The following NOS1AP variants were observed in gnomAD, a reference collection of about 807,000 sequenced individuals.
The protein encoded by NOS1AP is carboxyl-terminal PDZ ligand of neuronal nitric oxide synthase protein.
NOS1AP carries 21 observed loss-of-function variants against 56.2 expected under a neutral mutation model. That is an observed-to-expected ratio of 0.37 (90% confidence interval 0.26 to 0.54). NOS1AP has a LOEUF of 0.54. NOS1AP is among the 20% of genes least tolerant of loss of function. The pLI is 0.84. For missense variants in NOS1AP, 522 were observed against 657.8 expected, an observed-to-expected ratio of 0.79 and a Z score of 2.26; for synonymous variants, 270 against 274.6, an observed-to-expected ratio of 0.98 and a Z score of 0.17.
intron 6 of NOS1AP, among the ~76,000 whole-genome samples, chr1:162,352,207 G>A (rs566423582): frequency 1.3e-5 from 2 of 152,052 alleles, no homozygotes; most frequent in East Asian, 3.9e-4. Flanking sequence ...TTACAGGCAT[G>A]TACCACCATG....
chr1:162,133,927 A>G (rs1169215409), intron 1 of NOS1AP, among the ~76,000 whole-genome samples: 1 of 152,218 alleles, frequency 6.6e-6, no homozygotes, highest in East Asian at 1.9e-4. Context: ...GAAGTAGTAC[A>G]TAGAATTAGA....
At chr1:162,091,861 G>A (rs1023141181) in intron 1 of NOS1AP, among the ~76,000 whole-genome samples, 8 of 152,092 alleles carry the variant, frequency 5.3e-5, no homozygotes, top group Non-Finnish European at 7.4e-5. Flanking sequence ...CAACCACTAC[G>A]TGGGCATTAA....
chr1:162,294,740 G>A (rs1557867228), intron 3 of NOS1AP, among the ~76,000 whole-genome samples: 1 of 152,208 alleles, frequency 6.6e-6, no homozygotes, highest in Non-Finnish European at 1.5e-5. Context: ...TGCCATAGGT[G>A]TCCTTAGCAG....
intron 9 of NOS1AP, among the ~76,000 whole-genome samples, chr1:162,365,954 C>T (rs1160670498): frequency 6.6e-6 from 1 of 152,170 alleles, no homozygotes; most frequent in African/African-American, 2.4e-5. Flanking sequence ...TCTCTGTGAG[C>T]TCTGTGGGAG....
rs1187483609 is a variant in NOS1AP at position 162,332,955 on chromosome 1, C to T, written c.345-62C>T. ...TCAGAGTGTCCTTAAACAGAGCTTT[C>T]CTGGTTGGAGATTTGAACCTAAGGC... On this transcript the variant is annotated intron_variant, in intron 4 of 9. Transcript: ENST00000361897. 21 of 1,160,086 alleles carry T rather than the reference C, an allele frequency of 1.8e-5. No individual in the cohort carries two copies. The Middle Eastern group carries it at 5.8e-4, about 32-fold the overall frequency. The allele number at this position is 1,160,086 out of a possible 1,614,324, so 71.9% of individuals were successfully genotyped here.
chr1:162,107,172 G>A (rs559202066), intron 1 of NOS1AP, among the ~76,000 whole-genome samples: 4 of 152,028 alleles, frequency 2.6e-5, no homozygotes, highest in East Asian at 1.9e-4. Context: ...AAGAGAATAC[G>A]TATTTTCTTT....
intron 1 of NOS1AP, among the ~76,000 whole-genome samples, chr1:162,141,571 A>G (rs1235262379): frequency 6.6e-6 from 1 of 152,150 alleles, no homozygotes; most frequent in Non-Finnish European, 1.5e-5. Flanking sequence ...TGTCCTCATC[A>G]TCCATGTGTG....
intron 3 of NOS1AP, among the ~76,000 whole-genome samples, chr1:162,290,009 G>T (rs1655237812): frequency 6.6e-6 from 1 of 152,168 alleles, no homozygotes; most frequent in Non-Finnish European, 1.5e-5. Flanking sequence ...ATGACACAGT[G>T]TGTGCTGAGG....
chr1:162,100,981 T>G (rs1192767983), intron 1 of NOS1AP, among the ~76,000 whole-genome samples: 1 of 152,218 alleles, frequency 6.6e-6, no homozygotes, highest in African/African-American at 2.4e-5. Flanking sequence ...TTGCAATTGC[T>G]TTTGGCCTTT....
At chr1:162,278,664 C>CGTGTGTGT (rs57058985) in intron 2 of NOS1AP, among the ~76,000 whole-genome samples, 23 of 143,218 alleles carry the variant, frequency 1.6e-4, no homozygotes, top group African/African-American at 3.6e-4. Context: ...ACTCCTTCTA[C>CGTGTGTGT]GTGTGTGTGT....
chr1:162,265,133 T>C (rs1317578240), intron 2 of NOS1AP, among the ~76,000 whole-genome samples: 1 of 152,104 alleles, frequency 6.6e-6, no homozygotes, highest in Non-Finnish European at 1.5e-5. Flanking sequence ...CTACTTTCTA[T>C]CTATATTTTA....
At chr1:162,305,487 T>C (rs1655796714) in intron 4 of NOS1AP, among the ~76,000 whole-genome samples, 1 of 152,184 alleles carries the variant, frequency 6.6e-6, no homozygotes, top group Non-Finnish European at 1.5e-5. Flanking sequence ...GTAAATTTTT[T>C]TAATGTATAA....
intron 1 of NOS1AP, among the ~76,000 whole-genome samples, chr1:162,083,453 C>G (rs1308664984): frequency 6.6e-6 from 1 of 152,134 alleles, no homozygotes; most frequent in Non-Finnish European, 1.5e-5. Flanking sequence ...ATTGCCCAGT[C>G]TGGTCTCAAA....
chr1:162,142,417 C>CGT (rs960523392), intron 1 of NOS1AP, among the ~76,000 whole-genome samples: 38 of 151,656 alleles, frequency 2.5e-4, no homozygotes, highest in Non-Finnish European at 1.9e-4. Flanking sequence ...TGTGTTTCTG[C>CGT]GTGTGTGTGT....
chr1:162,296,801 G>T (rs759360157), intron 3 of NOS1AP, among the ~76,000 whole-genome samples: 2 of 152,170 alleles, frequency 1.3e-5, no homozygotes, highest in African/African-American at 4.8e-5. Flanking sequence ...GAGGCGCATC[G>T]CAAGCCTTGG....
rs904478232 is a variant in NOS1AP at position 162,367,824 on chromosome 1, C to T, written c.*357C>T. 11 of 243,398 alleles carry T rather than the reference C, an allele frequency of 4.5e-5. No individual in the cohort carries two copies. The highest frequency in any genetic ancestry group is 2.4e-4 in the African/African-American group (11 of 44,916). The allele number at this position is 243,398 out of a possible 1,614,324, so 15.1% of individuals were successfully genotyped here. A position where few individuals can be genotyped will look rare whatever the true frequency, so the allele number is the denominator to read the frequency against. On this transcript the variant is annotated 3_prime_UTR_variant, in exon 10 of 10. Coordinates refer to ENST00000361897, the MANE Select transcript of NOS1AP (RefSeq NM_014697.3). The surrounding 1 kb of genome is among the most constrained non-coding windows in gnomAD (Gnocchi z 6.5). ...AGGCTCCCACGCTTTGTCCGTGATG[C>T]CCCCCTACCCCCTCACTCTCCCCGT...
At position 162,109,220 on chromosome 1, in the gene NOS1AP, C is replaced by A. The variant is rs1013983090; in HGVS notation, c.105+38938C>A. On this transcript the variant is annotated intron_variant, in intron 1 of 9. Transcript: ENST00000361897. Reference sequence around the variant, plus strand: ...AAGGTGAGATTTGGGTGGGAGCACACCCAAACCATATCAATTAACCAGTTA... The same window carrying A: ...AAGGTGAGATTTGGGTGGGAGCACAACCAAACCATATCAATTAACCAGTTA... 1.3e-5 allele frequency among the ~76,000 whole-genome samples: 2 copies of A among 152,230 alleles called. 1 individual carries two copies. The highest frequency in any genetic ancestry group is 4.2e-4 in the South Asian group (2 of 4,818).
At chr1:162,326,908 A>G (rs914929007) in intron 4 of NOS1AP, among the ~76,000 whole-genome samples, 3 of 152,246 alleles carry the variant, frequency 2.0e-5, no homozygotes, top group African/African-American at 7.2e-5. Context: ...TGAAGACAAC[A>G]TAATTGATTC....
chr1:162,174,322 C>T lies in NOS1AP; in HGVS notation c.177+19846C>T, dbSNP rs181221547. ...ACTATCGCAACGACAAAAAACCAAACACCACATGTTCTCACTTATAGGTGG... is the reference window on the plus strand; with the variant it reads ...ACTATCGCAACGACAAAAAACCAAATACCACATGTTCTCACTTATAGGTGG... On this transcript the variant is annotated intron_variant, in intron 2 of 9. Coordinates refer to ENST00000361897, the MANE Select transcript of NOS1AP (RefSeq NM_014697.3). Among the ~76,000 whole-genome samples, 17 of 148,266 alleles carry T rather than the reference C, an allele frequency of 1.1e-4. No individual in the cohort carries two copies. The East Asian group carries it at 3.4e-3, about 30-fold the overall frequency.
Sources: allele counts gnomAD v4.1 joint callset (sites outside exome capture counted in the v4.1 genomes callset), GRCh38; gene constraint gnomAD v4.1.1; non-coding constraint Gnocchi (gnomAD v3.1); transcripts MANE v1.5; gene names NCBI Gene and HGNC (gene_info 2026-07-23, HGNC 2026-07-21).